The following MCHR2 variants were observed in gnomAD, a reference collection of about 807,000 sequenced individuals.
The protein encoded by MCHR2 is melanin-concentrating hormone receptor 2.
A neutral mutation model predicts 24.8 loss-of-function variants in MCHR2; 15 were observed. That is an observed-to-expected ratio of 0.60 (90% confidence interval 0.40 to 0.93). The LOEUF is 0.93. Among genes scored for constraint, MCHR2 ranks in the 40% least tolerant of loss-of-function variants. The pLI is 0.00. For missense variants in MCHR2, 386 were observed against 408.7 expected (o/e 0.94, Z 0.48); for synonymous variants, 151 against 147.6 (o/e 1.02, Z -0.17).
rs541538418 is a variant in MCHR2 at position 99,937,912 on chromosome 6, T to G, written c.588-3395A>C. On this transcript the variant is annotated intron_variant, in intron 4 of 5. Transcript: ENST00000281806. ...CTATTGATTTGTTGAGGCTGTTTATTTCCTCATGGTTCAATCTTGGCAGGC... is the reference window on the plus strand; with the variant it reads ...CTATTGATTTGTTGAGGCTGTTTATGTCCTCATGGTTCAATCTTGGCAGGC... 3.9e-5 allele frequency among the ~76,000 whole-genome samples: 6 copies of G among 152,072 alleles called. No individual in the cohort carries two copies. In the East Asian group the frequency reaches 1.2e-3, roughly 29 times the overall value.
At chr6:99,975,049 G>C (rs571981129) in intron 1 of MCHR2, among the ~76,000 whole-genome samples, 31 of 152,234 alleles carry the variant, frequency 2.0e-4, no homozygotes, top group African/African-American at 7.0e-4. Flanking sequence ...CAGTCTGCCC[G>C]TTCTCAGATC....
At chr6:99,926,249 G>C (rs1045381986) in intron 5 of MCHR2, among the ~76,000 whole-genome samples, 2 of 152,134 alleles carry the variant, frequency 1.3e-5, no homozygotes, top group Non-Finnish European at 2.9e-5. Context: ...GGACATTTGG[G>C]TTGGTTCCAA....
intron 1 of MCHR2, among the ~76,000 whole-genome samples, chr6:99,961,795 T>C (rs1479210025): frequency 2.0e-5 from 3 of 152,098 alleles, no homozygotes; most frequent in African/African-American, 4.8e-5. Context: ...ACATGGCACA[T>C]GTATACCTAT....
At chr6:99,972,665 T>C (rs556782401) in intron 1 of MCHR2, among the ~76,000 whole-genome samples, 53 of 152,332 alleles carry the variant, frequency 3.5e-4, no homozygotes, top group South Asian at 1.5e-3. Context: ...GGGTGTCAAT[T>C]TTGGATCTTT....
At chr6:99,961,639 A>T (rs1356738792) in intron 1 of MCHR2, among the ~76,000 whole-genome samples, 1 of 152,176 alleles carries the variant, frequency 6.6e-6, no homozygotes, top group Admixed American at 6.5e-5. Context: ...TCTCACTGAT[A>T]GGTGAGAGTT....
intron 5 of MCHR2, among the ~76,000 whole-genome samples, chr6:99,921,499 A>G (rs1442602858): frequency 6.6e-6 from 1 of 152,182 alleles, no homozygotes; most frequent in Non-Finnish European, 1.5e-5. Context: ...TTTTGTGGGT[A>G]CATAGTAGGT....
chr6:99,921,456 A>G (rs1403948622), intron 5 of MCHR2, among the ~76,000 whole-genome samples: 1 of 152,042 alleles, frequency 6.6e-6, no homozygotes, highest in East Asian at 1.9e-4. Context: ...CCAAAGCTGG[A>G]ACTTTTTTTC....
At chr6:99,954,464 C>T (rs1775021976) in intron 2 of MCHR2, among the ~76,000 whole-genome samples, 1 of 152,060 alleles carries the variant, frequency 6.6e-6, no homozygotes, top group Non-Finnish European at 1.5e-5. Flanking sequence ...TGGAACGGTC[C>T]ACACCTGACC....
chr6:99,968,015 C>T (rs999372116), intron 1 of MCHR2, among the ~76,000 whole-genome samples: 5 of 152,160 alleles, frequency 3.3e-5, no homozygotes, highest in South Asian at 2.1e-4. Context: ...TAGTACCTAT[C>T]TCATACTGAG....
intron 5 of MCHR2, among the ~76,000 whole-genome samples, chr6:99,933,220 G>A (rs545749255): frequency 7.4e-4 from 112 of 152,092 alleles, no homozygotes; most frequent in Non-Finnish European, 1.4e-3. Flanking sequence ...ATCAGAGTAG[G>A]CACTATCATT....
At chr6:99,941,953 G>A (rs1364738888) in intron 4 of MCHR2, among the ~76,000 whole-genome samples, 1 of 152,090 alleles carries the variant, frequency 6.6e-6, no homozygotes, top group Non-Finnish European at 1.5e-5. Flanking sequence ...AAGTGATGGA[G>A]TAAGAGAAAG....
intron 1 of MCHR2, among the ~76,000 whole-genome samples, chr6:99,986,294 G>A (rs1310417714): frequency 2.0e-5 from 3 of 152,090 alleles, no homozygotes; most frequent in East Asian, 1.9e-4. Flanking sequence ...AAAGAACTAC[G>A]CTTTGATATA....
At chr6:99,932,609 G>T (rs1774570258) in intron 5 of MCHR2, among the ~76,000 whole-genome samples, 1 of 152,022 alleles carries the variant, frequency 6.6e-6, no homozygotes. Flanking sequence ...GTGATGAGAA[G>T]AGTTGATTTT....
chr6:99,985,424 A>G (rs1775751675), intron 1 of MCHR2, among the ~76,000 whole-genome samples: 1 of 152,158 alleles, frequency 6.6e-6, no homozygotes. Flanking sequence ...CCTGACTTCA[A>G]ATTATACTAT....
At chr6:99,975,554 C>T (rs975297097) in intron 1 of MCHR2, among the ~76,000 whole-genome samples, 15 of 152,238 alleles carry the variant, frequency 9.9e-5, no homozygotes, top group East Asian at 3.9e-4. Context: ...TGCTTCAGCT[C>T]GTGCATGGTG....
At position 99,974,247 on chromosome 6, in the gene MCHR2, CTTTG is replaced by C. The variant is rs568454691; in HGVS notation, c.-27-18077_-27-18074del. ...CACATAGTCCCATATTTCTTGGAAG[CTTTG>C]TTTGTTTCTTTTTATTCTTTTTTCT... On this transcript the variant is annotated intron_variant, in intron 1 of 5. Transcript: ENST00000281806. 4.5e-3 allele frequency among the ~76,000 whole-genome samples: 669 copies of C among 148,796 alleles called. 4 individuals are homozygous for C. Among genetic ancestry groups the C allele is most frequent in the Non-Finnish European group, 3.9e-3 (261 of 67,074 alleles).
At chr6:99,962,014 G>A (rs1188533232) in intron 1 of MCHR2, among the ~76,000 whole-genome samples, 1 of 152,058 alleles carries the variant, frequency 6.6e-6, no homozygotes, top group African/African-American at 2.4e-5. Flanking sequence ...CTCAGCATAT[G>A]ATTTTTAAAA....
rs199973343 is a variant in MCHR2 at position 99,943,075 on chromosome 6, T to C, written c.461A>G (p.Asn154Ser). The C allele has an allele frequency of 2.5e-5, 40 of 1,613,136 alleles. No individual in the cohort carries two copies. Among genetic ancestry groups the C allele is most frequent in the Non-Finnish European group, 2.9e-5 (34 of 1,179,484 alleles). ...WRTRYKTIRI[N>S]LGLWAASFIL... ...AAAGGAAGCTGCCCAAAGGCCCAAA[T>C]TGATCCGGATGGTCTTGTACCTTGT... The change falls in exon 4 of 6, where the codon AAT becomes AGT. Residue 154 changes from asparagine (N) to serine (S), a missense_variant. Physicochemically the swap from Asn to Ser is conservative, Grantham distance 46. Transcript: ENST00000281806.
At chr6:99,962,640 A>G (rs573912495) in intron 1 of MCHR2, among the ~76,000 whole-genome samples, 94 of 152,170 alleles carry the variant, frequency 6.2e-4, no homozygotes, top group African/African-American at 2.1e-3. Context: ...GAAATGTAAA[A>G]CTCCTCGAAG....
Sources: gnomAD v4.1 joint callset for allele counts (sites outside exome capture counted in the v4.1 genomes callset) on GRCh38, gnomAD v4.1.1 for gene constraint, MANE v1.5 for transcripts, NCBI Gene and HGNC (gene_info 2026-07-23, HGNC 2026-07-21) for gene names.